The following CNTLN variants were observed in gnomAD, a reference collection of about 807,000 sequenced individuals.
CNTLN encodes the protein centlein, centrosomal protein.
Under a neutral mutation model 180.0 loss-of-function variants are expected in CNTLN, and 212 were observed. The ratio of observed to expected loss-of-function variants is 1.18; its 90% CI spans 1.05 to 1.32. The LOEUF (loss-of-function observed/expected upper bound fraction) is 1.32, where lower values mean the gene tolerates loss of function less well. Among genes scored for constraint, CNTLN ranks in the 40% most tolerant of loss-of-function variants. The pLI, the probability that CNTLN is intolerant of heterozygous loss-of-function variation, is 0.00. For missense variants in CNTLN, 2,095 were observed against 1,610.9 expected (o/e 1.30, Z -5.14); for synonymous variants, 722 against 563.1 (o/e 1.28, Z -3.99).
chr9:17,226,266 C>G lies in CNTLN; in HGVS notation c.513C>G (p.Ala171=). 6.4e-7 allele frequency: 1 copy of G among 1,570,052 alleles called. No homozygotes were observed. Among genetic ancestry groups the G allele is most frequent in the Non-Finnish European group, 8.6e-7 (1 of 1,158,206 alleles). ...KVLEILQVKD[A]KIQEFEQRES... is the part of the protein sequence containing the mutation. Reference sequence around the variant, plus strand: ...TAGAAATTCTGCAAGTCAAGGATGCCAAAATACAAGAATTTGAACAGGTTG... The same window carrying G: ...TAGAAATTCTGCAAGTCAAGGATGCGAAAATACAAGAATTTGAACAGGTTG... The change falls in exon 3 of 26, where the codon GCC becomes GCG. Residue 171 remains alanine (A), a synonymous_variant. Transcript: ENST00000380647.
chr9:17,478,934 T>C (rs1832496723), intron 23 of CNTLN, among the ~76,000 whole-genome samples: 1 of 152,172 alleles, frequency 6.6e-6, no homozygotes, highest in Admixed American at 6.5e-5. Flanking sequence ...AACACACAAA[T>C]GACCAACAGA....
rs536304951 is a variant in CNTLN at position 17,440,087 on chromosome 9, C to T, written c.3115-17437C>T. On this transcript the variant is annotated intron_variant, in intron 18 of 25. Transcript: ENST00000380647. ...TGATCAACAAATCCAGAAGCTGGAT[C>T]GCTGAGACTAATAAGTTGACAAACA... Among the ~76,000 whole-genome samples, 59 of 152,264 alleles carry T rather than the reference C, an allele frequency of 3.9e-4. No individual in the cohort carries two copies. The South Asian group carries it at 8.7e-3, about 22-fold the overall frequency.
chr9:17,261,979 G>C (rs1205502399), intron 5 of CNTLN, among the ~76,000 whole-genome samples: 1 of 151,048 alleles, frequency 6.6e-6, no homozygotes, highest in Non-Finnish European at 1.5e-5. Context: ...TAGGAAAAAA[G>C]CTTATCAGTA....
rs116730485 is a variant in CNTLN at position 17,293,767 on chromosome 9, G to A, written c.984-4423G>A. ...CCCTTCCATTAGGAAGTTGGTAGTCGTAGGTAGTCACCAGCCCATTGGCTG... is the reference window on the plus strand; with the variant it reads ...CCCTTCCATTAGGAAGTTGGTAGTCATAGGTAGTCACCAGCCCATTGGCTG... On this transcript the variant is annotated intron_variant, in intron 6 of 25. Coordinates refer to ENST00000380647, the MANE Select transcript of CNTLN (RefSeq NM_017738.4). 5.2e-3 allele frequency among the ~76,000 whole-genome samples: 791 copies of A among 152,274 alleles called. 5 individuals carry two copies. Among genetic ancestry groups the A allele is most frequent in the African/African-American group, 0.018 (757 of 41,540 alleles).
At chr9:17,391,045 A>G (rs952273462) in intron 14 of CNTLN, among the ~76,000 whole-genome samples, 1 of 152,206 alleles carries the variant, frequency 6.6e-6, no homozygotes, top group African/African-American at 2.4e-5. Context: ...TCAAAGTTTT[A>G]TGTGCCACAG....
chr9:17,356,499 G>C (rs1421363267), intron 12 of CNTLN, among the ~76,000 whole-genome samples: 1 of 152,150 alleles, frequency 6.6e-6, no homozygotes, highest in Non-Finnish European at 1.5e-5. Flanking sequence ...GATAGGCTTT[G>C]AGCAGTGACT....
At chr9:17,239,151 C>T (rs1287628588) in intron 5 of CNTLN, among the ~76,000 whole-genome samples, 1 of 152,058 alleles carries the variant, frequency 6.6e-6, no homozygotes, top group Non-Finnish European at 1.5e-5. Context: ...CTATTCTCCT[C>T]CCGAGAAGAG....
chr9:17,372,656 A>C (rs138795386), intron 13 of CNTLN, among the ~76,000 whole-genome samples: 2,625 of 152,236 alleles, frequency 0.017, 90 homozygotes, highest in African/African-American at 0.06. Flanking sequence ...TACCAAAACC[A>C]GACAAAGACA....
At chr9:17,458,833 T>C (rs1366610533) in intron 19 of CNTLN, among the ~76,000 whole-genome samples, 1 of 151,888 alleles carries the variant, frequency 6.6e-6, no homozygotes, top group African/African-American at 2.4e-5. Flanking sequence ...AAATAACTTA[T>C]AAAATATTAG....
At chr9:17,466,591 A>G (rs1564130909) in intron 22 of CNTLN, 115 bp from the exon 23 acceptor site, 2 of 803,614 alleles carry the variant, frequency 2.5e-6, no homozygotes, top group Non-Finnish European at 3.8e-6. Flanking sequence ...TTTTACCCAA[A>G]TAATAAATAC....
intron 14 of CNTLN, among the ~76,000 whole-genome samples, chr9:17,392,465 A>G (rs1354747124): frequency 1.3e-5 from 2 of 152,218 alleles, no homozygotes; most frequent in African/African-American, 2.4e-5. Flanking sequence ...GGATTCTGGC[A>G]TAGATTTTTT....
intron 25 of CNTLN, 186 bp downstream of exon 25, chr9:17,487,252 A>G (rs546956260): frequency 1.7e-6 from 1 of 586,502 alleles, no homozygotes; most frequent in South Asian, 2.1e-5. Context: ...AACAAATGAA[A>G]CAAATACCTT....
At chr9:17,479,076 C>T (rs1459133307) in intron 23 of CNTLN, among the ~76,000 whole-genome samples, 1 of 152,102 alleles carries the variant, frequency 6.6e-6, no homozygotes, top group East Asian at 1.9e-4. Context: ...TAATTGGACC[C>T]TTTGTACACT....
intron 15 of CNTLN, among the ~76,000 whole-genome samples, chr9:17,397,089 G>T (rs938357047): frequency 3.9e-5 from 6 of 152,134 alleles, no homozygotes; most frequent in African/African-American, 1.2e-4. Context: ...AAATAAAGTG[G>T]TGCCATTTAC....
At chr9:17,198,386 C>CTG (rs1203470813) in intron 2 of CNTLN, among the ~76,000 whole-genome samples, 3 of 109,708 alleles carry the variant, frequency 2.7e-5, no homozygotes, top group Admixed American at 9.0e-5. Context: ...TCTTTTCTTT[C>CTG]TTTTTTTTTT....
At chr9:17,206,760 C>T (rs1385324468) in intron 2 of CNTLN, among the ~76,000 whole-genome samples, 1 of 152,118 alleles carries the variant, frequency 6.6e-6, no homozygotes, top group African/African-American at 2.4e-5. Flanking sequence ...ATGAGTGAGC[C>T]CCTTTAGGCG....
At chr9:17,188,543 T>G (rs373972685) in intron 2 of CNTLN, among the ~76,000 whole-genome samples, 13 of 152,192 alleles carry the variant, frequency 8.5e-5, no homozygotes, top group African/African-American at 2.7e-4. Context: ...TGGGAAAGAC[T>G]ATGATCCTCA....
At chr9:17,279,096 T>A (rs928914213) in intron 6 of CNTLN, among the ~76,000 whole-genome samples, 6 of 152,154 alleles carry the variant, frequency 3.9e-5, no homozygotes, top group Admixed American at 1.3e-4. Context: ...TGTTATTATT[T>A]TTTTTTAAAC....
intron 7 of CNTLN, chr9:17,300,687 G>A (rs894201478): frequency 1.3e-5 from 2 of 152,136 alleles, no homozygotes; most frequent in Non-Finnish European, 2.9e-5. Context: ...CCCTCCAGTG[G>A]TTTCCCAGAC....
Sources: gnomAD v4.1 joint callset for allele counts (sites outside exome capture counted in the v4.1 genomes callset) on GRCh38, gnomAD v4.1.1 for gene constraint, MANE v1.5 for transcripts, NCBI Gene and HGNC (gene_info 2026-07-23, HGNC 2026-07-21) for gene names.